The following CDC14A variants were observed in gnomAD, a reference collection of about 807,000 sequenced individuals.
CDC14A encodes the protein cell division cycle 14A.
Under a neutral mutation model 74.4 loss-of-function variants are expected in CDC14A, and 53 were observed. The ratio of observed to expected loss-of-function variants is 0.71; its 90% CI spans 0.57 to 0.89. CDC14A has a LOEUF of 0.89. Ranked by LOEUF, CDC14A falls within the 40% of genes least tolerant of loss-of-function variation. The pLI is 0.00. For missense variants in CDC14A, 646 were observed against 713.7 expected (o/e 0.91, Z 1.08); for synonymous variants, 247 against 258.4 (o/e 0.96, Z 0.43).
At chr1:100,354,874 C>T (rs1164381609) in intron 2 of CDC14A, among the ~76,000 whole-genome samples, 3 of 152,170 alleles carry the variant, frequency 2.0e-5, no homozygotes, top group South Asian at 2.1e-4. Context: ...ACCAGGTCTT[C>T]GAAGAGTAAG....
chr1:100,347,628 G>A (rs1020094422), upstream of CDC14A, among the ~76,000 whole-genome samples: 6 of 152,100 alleles, frequency 3.9e-5, no homozygotes, highest in Non-Finnish European at 8.8e-5. Flanking sequence ...TTTATTACAT[G>A]TATTTTACTA....
At chr1:100,388,946 A>G (rs200252319) in intron 3 of CDC14A, among the ~76,000 whole-genome samples, 1 of 152,144 alleles carries the variant, frequency 6.6e-6, no homozygotes, top group African/African-American at 2.4e-5. Flanking sequence ...AGGCCAAGGC[A>G]GGTGGATCAC....
chr1:100,482,826 CTATA>C (rs939683219), intron 10 of CDC14A, among the ~76,000 whole-genome samples: 1 of 151,654 alleles, frequency 6.6e-6, no homozygotes, highest in African/African-American at 2.4e-5. Flanking sequence ...ATATAGATAT[CTATA>C]TATATATTTT....
At chr1:100,359,109 G>A (rs1426717514) in intron 2 of CDC14A, among the ~76,000 whole-genome samples, 2 of 152,058 alleles carry the variant, frequency 1.3e-5, no homozygotes, top group Non-Finnish European at 2.9e-5. Flanking sequence ...GTTGAACCTC[G>A]AGACAAATTT....
At chr1:100,425,027 G>T (rs114637333) in intron 5 of CDC14A, among the ~76,000 whole-genome samples, 253 of 152,226 alleles carry the variant, frequency 1.7e-3, no homozygotes, top group African/African-American at 5.9e-3. Flanking sequence ...AGTTAGCCAG[G>T]CATAGTGGTA....
chr1:100,483,988 A>G (rs1345656523), intron 10 of CDC14A, among the ~76,000 whole-genome samples: 3 of 152,170 alleles, frequency 2.0e-5, no homozygotes, highest in Non-Finnish European at 4.4e-5. Flanking sequence ...TATTTAAAAG[A>G]CAAATGGGCT....
At chr1:100,483,110 A>AGC (rs1557810583) in intron 10 of CDC14A, among the ~76,000 whole-genome samples, 9 of 152,182 alleles carry the variant, frequency 5.9e-5, no homozygotes, top group African/African-American at 1.4e-4. Context: ...TATACTCAGT[A>AGC]ATGGGATTGC....
At chr1:100,414,618 C>T (rs1045283594) in intron 4 of CDC14A, among the ~76,000 whole-genome samples, 1 of 152,018 alleles carries the variant, frequency 6.6e-6, no homozygotes, top group African/African-American at 2.4e-5. Context: ...CAGAAGTAAG[C>T]AGTGAAACTC....
rs149887596 is a variant in CDC14A, at chr1:100,406,078, G to A, written c.309+15254G>A. 3.6e-3 allele frequency among the ~76,000 whole-genome samples: 546 copies of A among 152,230 alleles called. 3 individuals are homozygous for A. Among genetic ancestry groups the A allele is most frequent in the African/African-American group, 0.013 (525 of 41,530 alleles). On this transcript the variant is annotated intron_variant, in intron 4 of 15. Transcript: ENST00000336454. ...TTTTTAGTAATAGCCGTTCTCACTG[G>A]CATGAGATGGTATCTCATTGTGGTT...
At chr1:100,474,051 T>C (rs1006412002) in intron 10 of CDC14A, among the ~76,000 whole-genome samples, 4 of 152,218 alleles carry the variant, frequency 2.6e-5, no homozygotes, top group African/African-American at 9.6e-5. Context: ...AGGGTTCTTA[T>C]CATGAATGAG....
At chr1:100,484,234 A>AT in intron 10 of CDC14A, 58 bp from the exon 11 acceptor site, 1 of 1,005,474 alleles carries the variant, frequency 9.9e-7, no homozygotes, top group South Asian at 1.9e-5. Context: ...AGATGAGAGT[A>AT]GATTGTTTTA....
rs1475416890 is a variant in CDC14A, at chr1:100,518,404, A to G, written c.*124A>G. ...TCTCTGCCTTCTTACCTTAAATTAA[A>G]AAGAGCACTAAGATAACACCTTCAA... On this transcript the variant is annotated 3_prime_UTR_variant, in exon 16 of 16. Transcript: ENST00000336454. 20 of 764,588 alleles carry G rather than the reference A, an allele frequency of 2.6e-5. No homozygotes were observed. The East Asian group carries it at 5.1e-4, about 20-fold the overall frequency. 47.4% of individuals were successfully genotyped at this position (764,588 alleles called of 1,614,324 possible).
chr1:100,505,801 G>T (rs1649177842), intron 15 of CDC14A, among the ~76,000 whole-genome samples: 1 of 152,166 alleles, frequency 6.6e-6, no homozygotes, highest in Admixed American at 6.5e-5. Context: ...AATTCATAAA[G>T]AAAAATGGTT....
At position 100,438,713 on chromosome 1, in the gene CDC14A, T is replaced by C. The variant is rs28361226; in HGVS notation, c.390-1219T>C. Among the ~76,000 whole-genome samples, 84 of 152,388 alleles carry C rather than the reference T, an allele frequency of 5.5e-4. 3 individuals carry two copies. The East Asian group carries it at 0.015, about 28-fold the overall frequency. On this transcript the variant is annotated intron_variant, in intron 5 of 15. Transcript: ENST00000336454. ...GCTTTGCTAACTTCCTAGTTTTATG[T>C]TAGGCTTTCGGGATGCTGAAACTCA...
At chr1:100,356,816 C>A (rs185007834) in intron 2 of CDC14A, among the ~76,000 whole-genome samples, 9 of 143,334 alleles carry the variant, frequency 6.3e-5, no homozygotes, top group African/African-American at 2.3e-4. Context: ...GCTGAGATTG[C>A]GCCACTGCAC....
At chr1:100,477,611 GA>G (rs541241660) in intron 10 of CDC14A, among the ~76,000 whole-genome samples, 4 of 151,516 alleles carry the variant, frequency 2.6e-5, no homozygotes, top group African/African-American at 9.7e-5. Context: ...GACATTTCAA[GA>G]AAAAAGAAAA....
chr1:100,499,077 A>G lies in CDC14A; in HGVS notation c.1570A>G (p.Thr524Ala), dbSNP rs758984913. 1 of 1,614,200 alleles carries G rather than the reference A, an allele frequency of 6.2e-7. No individual in the cohort carries two copies. Among genetic ancestry groups the G allele is most frequent in the Admixed American group, 1.7e-5 (1 of 60,028 alleles). Residue 524 changes from threonine (T) to alanine (A), a missense_variant, in exon 15 of 16, where the codon ACT (threonine) becomes GCT (alanine). Physicochemically the swap from Thr to Ala is moderately conservative, Grantham distance 58. Transcript: ENST00000336454. ...CCTCTTGAATGGCAGCTCCCAGCCA[A>G]CTACCAGAAATTACCCTGAGCTCAA... ...TNLLNGSSQP[T>A]TRNYPELNNN...
intron 4 of CDC14A, among the ~76,000 whole-genome samples, chr1:100,418,609 G>A (rs1661844103): frequency 6.6e-6 from 1 of 152,116 alleles, no homozygotes; most frequent in South Asian, 2.1e-4. Context: ...GGCAGGAGGT[G>A]GAGGCAGAGA....
intron 15 of CDC14A, among the ~76,000 whole-genome samples, chr1:100,504,515 C>T (rs987647486): frequency 2.6e-5 from 4 of 152,186 alleles, no homozygotes; most frequent in African/African-American, 9.7e-5. Context: ...CAACTCAATA[C>T]ATAAACGAAA....
Sources: gnomAD v4.1 joint callset for allele counts (sites outside exome capture counted in the v4.1 genomes callset) on GRCh38, gnomAD v4.1.1 for gene constraint, MANE v1.5 for transcripts, NCBI Gene and HGNC (gene_info 2026-07-23, HGNC 2026-07-21) for gene names.